The following RBFOX1 variants were observed in gnomAD, a reference collection of about 807,000 sequenced individuals.
The protein encoded by RBFOX1 is RNA binding fox-1 homolog 1, also known as RNA binding protein fox-1 homolog 1.
Under a neutral mutation model 57.7 loss-of-function variants are expected in RBFOX1, and 8 were observed. The observed-to-expected ratio is 0.14, with a 90% confidence interval of 0.08 to 0.25. The LOEUF is 0.25. RBFOX1 is among the 10% of genes least tolerant of loss of function. The probability of loss-of-function intolerance (pLI) is 1.00; values close to 1 mark genes in which losing one functional copy is unlikely to be tolerated. For missense variants in RBFOX1, 611 were observed against 548.5 expected (o/e 1.11, Z -1.14); for synonymous variants, 326 against 222.4 (o/e 1.47, Z -4.15).
At position 7,039,277 on chromosome 16, in the gene RBFOX1, C is replaced by A. The variant is rs545419798; in HGVS notation, c.-15-12780C>A. On this transcript the variant is annotated intron_variant, in intron 3 of 15. Coordinates refer to ENST00000550418, the MANE Select transcript of RBFOX1 (RefSeq NM_018723.4). Reference sequence around the variant, plus strand: ...ATTATTTTTTCTACTTAGTACTTAGCCTTGACAAGCTCTTTCGTCCGTCTC... The same window carrying A: ...ATTATTTTTTCTACTTAGTACTTAGACTTGACAAGCTCTTTCGTCCGTCTC... Among the ~76,000 whole-genome samples, 4 of 152,240 alleles carry A rather than the reference C, an allele frequency of 2.6e-5. No individual in the cohort carries two copies. In the South Asian group the frequency reaches 8.3e-4, roughly 32 times the overall value.
chr16:6,098,844 G>A (rs2096274145), intron 1 of RBFOX1, among the ~76,000 whole-genome samples: 2 of 152,138 alleles, frequency 1.3e-5, no homozygotes, highest in African/African-American at 4.8e-5. Context: ...CAGTTTCCAG[G>A]AGCACTAAGT....
chr16:6,163,212 G>A (rs1000269320), intron 1 of RBFOX1, among the ~76,000 whole-genome samples: 1 of 152,176 alleles, frequency 6.6e-6, no homozygotes, highest in Admixed American at 6.6e-5. Flanking sequence ...ACTGGGATAA[G>A]GCCAAGGGGA....
At chr16:7,617,943 G>C (rs1373268860) in intron 10 of RBFOX1, among the ~76,000 whole-genome samples, 1 of 151,980 alleles carries the variant, frequency 6.6e-6, no homozygotes, top group Non-Finnish European at 1.5e-5. Flanking sequence ...AGGGAATATG[G>C]AGGTGGTTGG....
intron 3 of RBFOX1, among the ~76,000 whole-genome samples, chr16:5,625,943 C>G (rs2151292780): frequency 6.6e-6 from 1 of 152,240 alleles, no homozygotes; most frequent in Non-Finnish European, 1.5e-5. Flanking sequence ...ATGGCACAAT[C>G]TCAGCTCACT....
intron 4 of RBFOX1, among the ~76,000 whole-genome samples, chr16:7,117,360 G>A (rs1567322958): frequency 6.6e-6 from 1 of 152,116 alleles, no homozygotes; most frequent in African/African-American, 2.4e-5. Flanking sequence ...AATGTTATGT[G>A]TTTTTCTGTA....
At chr16:6,871,702 C>G (rs1316649900) in intron 3 of RBFOX1, among the ~76,000 whole-genome samples, 3 of 152,162 alleles carry the variant, frequency 2.0e-5, no homozygotes, top group East Asian at 1.9e-4. Flanking sequence ...TTAATCTATT[C>G]TCCATATACC....
At chr16:7,192,577 A>G (rs11860984) in intron 4 of RBFOX1, among the ~76,000 whole-genome samples, 84,510 of 152,014 alleles carry the variant, frequency 0.56, 23,646 homozygotes, top group Middle Eastern at 0.6. Context: ...ATGTGAAATC[A>G]TAGAGGAGAT....
intron 3 of RBFOX1, among the ~76,000 whole-genome samples, chr16:6,871,284 A>T (rs1492371): frequency 2.6e-5 from 4 of 151,938 alleles, no homozygotes; most frequent in African/African-American, 9.7e-5. Context: ...CTCCTGGGTT[A>T]AAGTGATTTT....
At chr16:6,444,182 G>C (rs1447979985) in intron 2 of RBFOX1, among the ~76,000 whole-genome samples, 1 of 152,040 alleles carries the variant, frequency 6.6e-6, no homozygotes, top group Non-Finnish European at 1.5e-5. Flanking sequence ...ACTTGGTTTT[G>C]TCAGTGTGCA....
chr16:6,910,538 T>C (rs1015640378), intron 3 of RBFOX1, among the ~76,000 whole-genome samples: 3 of 152,130 alleles, frequency 2.0e-5, no homozygotes, highest in African/African-American at 7.2e-5. Context: ...GTTCTGGAGG[T>C]CAGAAGTCCA....
chr16:5,376,310 G>T (rs957599510), intron 1 of RBFOX1, among the ~76,000 whole-genome samples: 2 of 152,154 alleles, frequency 1.3e-5, no homozygotes, highest in Admixed American at 6.5e-5. Context: ...CCTACCCTCA[G>T]TTGTGACTGT....
intron 1 of RBFOX1, among the ~76,000 whole-genome samples, chr16:5,454,958 C>CTCTCTTTCTTT (rs1567535928): frequency 6.6e-5 from 2 of 30,384 alleles, no homozygotes; most frequent in Admixed American, 4.7e-4. Context: ...TTCCTTCCTT[C>CTCTCTTTCTTT]CTTTCTTTCT....
intron 4 of RBFOX1, among the ~76,000 whole-genome samples, chr16:7,512,137 G>C (rs1235513125): frequency 2.6e-5 from 4 of 152,154 alleles, no homozygotes; most frequent in Non-Finnish European, 5.9e-5. Flanking sequence ...TGGAGTAGAA[G>C]AAAGAAGGCA....
chr16:5,443,025 A>G (rs1003222946), intron 1 of RBFOX1, among the ~76,000 whole-genome samples: 2 of 152,204 alleles, frequency 1.3e-5, no homozygotes, highest in Admixed American at 1.3e-4. Flanking sequence ...AAGGAGTGCC[A>G]GGAGCCACTA....
chr16:6,226,927 G>A (rs1412984757), intron 1 of RBFOX1, among the ~76,000 whole-genome samples: 18 of 144,040 alleles, frequency 1.2e-4, no homozygotes, highest in African/African-American at 4.7e-4. Context: ...CGGCCAACAT[G>A]ATGAAACCCC....
At chr16:6,511,226 C>T (rs552273165) in intron 2 of RBFOX1, among the ~76,000 whole-genome samples, 1 of 152,080 alleles carries the variant, frequency 6.6e-6, no homozygotes, top group Non-Finnish European at 1.5e-5. Flanking sequence ...TACTCTGATA[C>T]TCAGATGTGT....
intron 2 of RBFOX1, among the ~76,000 whole-genome samples, chr16:6,457,451 A>T (rs1438945935): frequency 3.7e-5 from 3 of 81,014 alleles, no homozygotes; most frequent in Non-Finnish European, 6.8e-5. Flanking sequence ...CCCCCCCCGC[A>T]ATAGCTTTGA....
intron 1 of RBFOX1, among the ~76,000 whole-genome samples, chr16:6,049,956 G>T (rs867563174): frequency 1.6e-4 from 21 of 135,202 alleles, no homozygotes; most frequent in Non-Finnish European, 1.9e-4. Context: ...AGCTTAAAAC[G>T]TTTTTTTTTT....
intron 3 of RBFOX1, among the ~76,000 whole-genome samples, chr16:5,673,685 C>T (rs1182178627): frequency 6.6e-6 from 1 of 152,160 alleles, no homozygotes; most frequent in Non-Finnish European, 1.5e-5. Flanking sequence ...CATTTCTTCT[C>T]TCCTTCTCTA....
Sources: allele counts gnomAD v4.1 joint callset (sites outside exome capture counted in the v4.1 genomes callset), GRCh38; gene constraint gnomAD v4.1.1; transcripts MANE v1.5; gene names NCBI Gene and HGNC (gene_info 2026-07-23, HGNC 2026-07-21).